NSUN6: variants seen among roughly 807,000 people sequenced by gnomAD.
The protein encoded by NSUN6 is tRNA (cytosine(72)-C(5))-methyltransferase NSUN6.
NSUN6 carries 64 observed loss-of-function variants against 58.0 expected under a neutral mutation model. The observed-to-expected ratio is 1.10, with a 90% CI of 0.90 to 1.36. The LOEUF is 1.36. Ranked by LOEUF, NSUN6 falls within the 40% of genes most tolerant of loss-of-function variation. The pLI is 0.00. For missense variants in NSUN6, 701 were observed against 550.1 expected, an observed-to-expected ratio of 1.27 and a Z score of -2.74; for synonymous variants, 231 against 193.9, an observed-to-expected ratio of 1.19 and a Z score of -1.59.
At chr10:18,576,744 A>G (rs935124442) in intron 8 of NSUN6, among the ~76,000 whole-genome samples, 1 of 152,212 alleles carries the variant, frequency 6.6e-6, no homozygotes, top group African/African-American at 2.4e-5. Flanking sequence ...AGAGCTTACC[A>G]GTCAGTCAGC....
intron 3 of NSUN6, among the ~76,000 whole-genome samples, chr10:18,642,242 A>C (rs1189288137): frequency 1.3e-5 from 2 of 151,638 alleles, no homozygotes; most frequent in Non-Finnish European, 2.9e-5. Context: ...TCACTGCACT[A>C]AATGGACCTA....
At chr10:18,579,235 C>T (rs572479397) in intron 8 of NSUN6, among the ~76,000 whole-genome samples, 2 of 152,032 alleles carry the variant, frequency 1.3e-5, no homozygotes, top group Non-Finnish European at 2.9e-5. Context: ...TGCAGTGGAG[C>T]GATCTCGGCT....
intron 3 of NSUN6, among the ~76,000 whole-genome samples, chr10:18,629,988 G>A (rs1013489161): frequency 6.6e-6 from 1 of 150,398 alleles, no homozygotes; most frequent in Non-Finnish European, 1.5e-5. Flanking sequence ...TTCCAAAATT[G>A]ACCACATACT....
intron 6 of NSUN6, among the ~76,000 whole-genome samples, chr10:18,604,158 G>A (rs2057959759): frequency 6.6e-6 from 1 of 152,142 alleles, no homozygotes; most frequent in South Asian, 2.1e-4. Flanking sequence ...CTCCAGCCTG[G>A]GCGACAGAGT....
Position 18,617,604 on chromosome 10 carries a change from A to C in NSUN6, c.312-1311T>G, listed in dbSNP as rs369770059. Among the ~76,000 whole-genome samples the C allele has an allele frequency of 9.2e-5, 14 of 151,524 alleles. 1 individual carries two copies. The South Asian group carries it at 2.5e-3, about 27-fold the overall frequency. On this transcript the variant is annotated intron_variant, in intron 3 of 10. Transcript: ENST00000377304. ...TCAGTTTTCCCTCATCCATTCCTCC[A>C]CTCCTTGGCAGGATCCCAAATCTTT... is the stretch of plus-strand genomic sequence containing the variant.
At chr10:18,637,568 T>A (rs577826069) in intron 3 of NSUN6, among the ~76,000 whole-genome samples, 1 of 152,344 alleles carries the variant, frequency 6.6e-6, no homozygotes, top group Non-Finnish European at 1.5e-5. Flanking sequence ...TAGAGGGTAA[T>A]CTGGTAATAT....
chr10:18,582,563 C>T (rs1282952100), intron 8 of NSUN6, among the ~76,000 whole-genome samples: 1 of 152,170 alleles, frequency 6.6e-6, no homozygotes, highest in Non-Finnish European at 1.5e-5. Context: ...AAAGACTATT[C>T]AGAAAGATTA....
intron 8 of NSUN6, among the ~76,000 whole-genome samples, chr10:18,562,859 A>G (rs920068549): frequency 1.3e-5 from 2 of 148,904 alleles, no homozygotes; most frequent in African/African-American, 4.9e-5. Flanking sequence ...GGAGATTCTT[A>G]TGAATGGAAT....
chr10:18,605,193 C>T (rs2058005144), intron 6 of NSUN6, among the ~76,000 whole-genome samples: 1 of 145,942 alleles, frequency 6.9e-6, no homozygotes, highest in Admixed American at 6.8e-5. Context: ...CCGAGACTCC[C>T]TTAAAAAAAA....
intron 7 of NSUN6, 133 bp from the exon 8 acceptor site, chr10:18,586,226 C>T (rs961397516): frequency 1.4e-6 from 1 of 689,922 alleles, no homozygotes; most frequent in African/African-American, 1.8e-5. Context: ...TAATTTAAAA[C>T]CTCTATCCAT....
intron 3 of NSUN6, among the ~76,000 whole-genome samples, chr10:18,618,355 T>G (rs955590257): frequency 1.3e-5 from 2 of 152,100 alleles, no homozygotes; most frequent in African/African-American, 2.4e-5. Flanking sequence ...TTTCCCCCAT[T>G]ATTCCTATTC....
intron 8 of NSUN6, among the ~76,000 whole-genome samples, chr10:18,557,930 G>C (rs558411565): frequency 6.6e-6 from 1 of 151,012 alleles, no homozygotes; most frequent in South Asian, 2.1e-4. Context: ...GAATGGAAGG[G>C]AAAATGGAGA....
intron 2 of NSUN6, among the ~76,000 whole-genome samples, chr10:18,646,150 G>A (rs770006245): frequency 1.3e-5 from 2 of 151,994 alleles, no homozygotes; most frequent in Non-Finnish European, 1.5e-5. Flanking sequence ...AGCCAAGATC[G>A]CACCACTGCA....
chr10:18,592,123 G>T (rs201810448), intron 7 of NSUN6, among the ~76,000 whole-genome samples: 3 of 152,062 alleles, frequency 2.0e-5, no homozygotes, highest in Non-Finnish European at 1.5e-5. Context: ...ATTCACAATT[G>T]CTACAAAGAG....
Position 18,555,894 on chromosome 10 carries a change from A to G in NSUN6, c.923-3923T>C, listed in dbSNP as rs62648414. 1.8e-3 allele frequency among the ~76,000 whole-genome samples: 242 copies of G among 132,398 alleles called. 3 individuals carry two copies. The highest frequency in any genetic ancestry group is 6.4e-3 in the African/African-American group (232 of 36,180). The allele number at this position is 132,398 out of a possible 152,430, so 86.9% of individuals were successfully genotyped here. ...TGGAGAATGAACTGGAATGGAGAATAGAATGGAATGGAGAATGGAATGGAA... is the reference window on the plus strand; with the variant it reads ...TGGAGAATGAACTGGAATGGAGAATGGAATGGAATGGAGAATGGAATGGAA... On this transcript the variant is annotated intron_variant, in intron 8 of 10. Transcript: ENST00000377304.
At chr10:18,558,696 C>G (rs12570360) in intron 8 of NSUN6, among the ~76,000 whole-genome samples, 1 of 135,660 alleles carries the variant, frequency 7.4e-6, no homozygotes, top group African/African-American at 2.8e-5. Context: ...AATGGAATGG[C>G]GGAAGGAATG....
At chr10:18,619,536 CTCTTT>C (rs1279650625) in intron 3 of NSUN6, among the ~76,000 whole-genome samples, 1 of 152,202 alleles carries the variant, frequency 6.6e-6, no homozygotes, top group Non-Finnish European at 1.5e-5. Context: ...GCTTGCTGTT[CTCTTT>C]TCAATTATTC....
Position 18,651,490 on chromosome 10 carries a change from A to T in NSUN6, c.-287T>A. The T allele has an allele frequency of 9.1e-7, 1 of 1,095,924 alleles. No homozygotes were observed. Among genetic ancestry groups the T allele is most frequent in the Non-Finnish European group, 1.1e-6 (1 of 902,332 alleles). 67.9% of individuals were successfully genotyped at this position (1,095,924 alleles called of 1,614,324 possible). On this transcript the variant is annotated 5_prime_UTR_variant, in exon 1 of 11. It adds an upstream start codon to the 5' untranslated region. Coordinates refer to ENST00000377304, the MANE Select transcript of NSUN6 (RefSeq NM_182543.5). ...ATGCCACTCACGTTGCAAAGAACCA[A>T]AAAAAGAAAAAAATGCTTAGTAACT... is the stretch of plus-strand genomic sequence containing the variant.
At chr10:18,647,114 T>C (rs1431831368) in intron 2 of NSUN6, among the ~76,000 whole-genome samples, 2 of 152,228 alleles carry the variant, frequency 1.3e-5, no homozygotes, top group Non-Finnish European at 2.9e-5. Flanking sequence ...AACATGGTTG[T>C]CTATTCACAA....
Sources: gnomAD v4.1 joint callset for allele counts (sites outside exome capture counted in the v4.1 genomes callset) on GRCh38, gnomAD v4.1.1 for gene constraint, MANE v1.5 for transcripts, NCBI Gene and HGNC (gene_info 2026-07-23, HGNC 2026-07-21) for gene names.